DPYD: variants seen among roughly 807,000 people sequenced by gnomAD.
DPYD encodes the protein dihydropyrimidine dehydrogenase [NADP(+)].
Under a neutral mutation model 116.2 loss-of-function variants are expected in DPYD, and 109 were observed. The ratio of observed to expected loss-of-function variants is 0.94; its 90% CI spans 0.80 to 1.10. The LOEUF (loss-of-function observed/expected upper bound fraction) is 1.10, where lower values mean the gene tolerates loss of function less well. Among genes scored for constraint, DPYD ranks in the 50% least tolerant of loss-of-function variants. The pLI is 0.00. For missense variants in DPYD, 1,302 were observed against 1,254.5 expected (o/e 1.04, Z -0.57); for synonymous variants, 440 against 432.0 (o/e 1.02, Z -0.23).
chr1:97,200,972 A>C (rs1403999969), intron 19 of DPYD, among the ~76,000 whole-genome samples: 3 of 152,192 alleles, frequency 2.0e-5, no homozygotes. Flanking sequence ...CATTGAATGC[A>C]GTGCCCAAAA....
At chr1:97,081,134 T>G (rs1378882505) in intron 22 of DPYD, among the ~76,000 whole-genome samples, 2 of 44,472 alleles carry the variant, frequency 4.5e-5, no homozygotes, top group African/African-American at 1.2e-4. Context: ...GGAAGAAAAA[T>G]TAATAGTTTT....
intron 8 of DPYD, among the ~76,000 whole-genome samples, chr1:97,638,725 T>C (rs1571106623): frequency 6.6e-6 from 1 of 152,078 alleles, no homozygotes; most frequent in Non-Finnish European, 1.5e-5. Context: ...GGGGAGCTGG[T>C]ATGTCACACG....
chr1:97,703,673 A>C (rs1661733705), intron 5 of DPYD, among the ~76,000 whole-genome samples: 1 of 152,056 alleles, frequency 6.6e-6, no homozygotes, highest in Non-Finnish European at 1.5e-5. Context: ...AGTGCTCAAT[A>C]ACTACATGTG....
chr1:97,142,591 C>T lies in DPYD; in HGVS notation c.2623-43959G>A, dbSNP rs189582540. ...CATTCTTCATACTTGTTTCACTTTC[C>T]TTCATCAGTAGTAGACTTAAAACAC... On this transcript the variant is annotated intron_variant, in intron 20 of 22. Coordinates refer to ENST00000370192, the MANE Select transcript of DPYD (RefSeq NM_000110.4). 7.3e-4 allele frequency among the ~76,000 whole-genome samples: 111 copies of T among 152,146 alleles called. 3 individuals carry two copies. The South Asian group carries it at 0.018, about 24-fold the overall frequency.
chr1:97,573,072 T>A (rs534182459), intron 11 of DPYD, among the ~76,000 whole-genome samples: 50 of 152,142 alleles, frequency 3.3e-4, no homozygotes, highest in African/African-American at 1.2e-3. Flanking sequence ...TAAAAGGATT[T>A]GTAAAATGAA....
chr1:97,354,968 T>C (rs921620286), intron 16 of DPYD, among the ~76,000 whole-genome samples: 7 of 152,182 alleles, frequency 4.6e-5, no homozygotes, highest in Admixed American at 3.3e-4. Flanking sequence ...TCAAAGTTGA[T>C]TGAGGAATGA....
chr1:97,670,441 T>C (rs551241077), intron 8 of DPYD, among the ~76,000 whole-genome samples: 21 of 152,196 alleles, frequency 1.4e-4, no homozygotes, highest in African/African-American at 4.6e-4. Context: ...ACGTCAGAGG[T>C]CTTTCTCTTT....
chr1:97,794,683 G>T (rs1459243652), intron 3 of DPYD, among the ~76,000 whole-genome samples: 1 of 152,048 alleles, frequency 6.6e-6, no homozygotes, highest in Non-Finnish European at 1.5e-5. Context: ...CTTCTCTTCT[G>T]TAAAGTTACT....
chr1:97,754,275 C>A (rs74826024), intron 3 of DPYD, among the ~76,000 whole-genome samples: 1,857 of 151,990 alleles, frequency 0.012, 38 homozygotes, highest in African/African-American at 0.042. Flanking sequence ...AGCCTAGAAG[C>A]TAAAGGACAC....
rs567208736 is a variant in DPYD, at chr1:97,285,584, G to A, written c.2299+19675C>T. On this transcript the variant is annotated intron_variant, in intron 18 of 22. Transcript: ENST00000370192. ...CTACTGCTGAATCCCATCACTCAAAGTTTAAATCCATATGTGAAGTTCACT... is the reference window on the plus strand; with the variant it reads ...CTACTGCTGAATCCCATCACTCAAAATTTAAATCCATATGTGAAGTTCACT... 5.9e-5 allele frequency among the ~76,000 whole-genome samples: 9 copies of A among 152,004 alleles called. No homozygotes were observed. The South Asian group carries it at 1.7e-3, about 28-fold the overall frequency.
chr1:97,620,324 C>G (rs890296908), intron 8 of DPYD, among the ~76,000 whole-genome samples: 3 of 152,184 alleles, frequency 2.0e-5, no homozygotes, highest in Non-Finnish European at 4.4e-5. Context: ...AAGCAATCCT[C>G]CAGCCTCAGC....
intron 3 of DPYD, among the ~76,000 whole-genome samples, chr1:97,825,767 A>G (rs1475854138): frequency 6.6e-6 from 1 of 151,898 alleles, no homozygotes; most frequent in Non-Finnish European, 1.5e-5. Context: ...AACTTAAAGT[A>G]TAATAAAAAA....
At chr1:97,180,547 T>A (rs551890919) in intron 20 of DPYD, among the ~76,000 whole-genome samples, 6 of 152,294 alleles carry the variant, frequency 3.9e-5, no homozygotes, top group African/African-American at 1.4e-4. Context: ...ATTCAAGTTT[T>A]AACTTACATG....
intron 3 of DPYD, among the ~76,000 whole-genome samples, chr1:97,815,068 AAAGAAAAGAG>A (rs1344490273): frequency 2.0e-5 from 3 of 151,234 alleles, no homozygotes; most frequent in Non-Finnish European, 4.4e-5. Flanking sequence ...AGAAAGAAAG[AAAGAAAAGAG>A]AAGAAAGAAA....
At chr1:97,573,670 A>G in intron 11 of DPYD, 90 bp downstream of exon 11, 1 of 1,523,286 alleles carries the variant, frequency 6.6e-7, no homozygotes, top group African/African-American at 1.4e-5. Flanking sequence ...TAAATTTTAA[A>G]GTGAAAAACA....
chr1:97,590,968 C>CT (rs1654464007), intron 10 of DPYD, among the ~76,000 whole-genome samples: 1 of 152,194 alleles, frequency 6.6e-6, no homozygotes. Flanking sequence ...AGCTAAAGGT[C>CT]TTATGAATGC....
chr1:97,771,752 G>A (rs922737413), intron 3 of DPYD, among the ~76,000 whole-genome samples: 1 of 152,120 alleles, frequency 6.6e-6, no homozygotes. Context: ...TAGCCCCACA[G>A]ATTTTCTAAA....
chr1:97,359,648 C>A (rs572331189), intron 16 of DPYD, among the ~76,000 whole-genome samples: 1 of 152,196 alleles, frequency 6.6e-6, no homozygotes, highest in East Asian at 1.9e-4. Flanking sequence ...GAGTGGGGGC[C>A]AATATACAAC....
At chr1:97,323,200 A>G (rs1305486447) in intron 16 of DPYD, among the ~76,000 whole-genome samples, 1 of 149,174 alleles carries the variant, frequency 6.7e-6, no homozygotes, top group African/African-American at 2.4e-5. Context: ...ACACGTATAT[A>G]TATCCACATA....
Sources: allele counts gnomAD v4.1 joint callset (sites outside exome capture counted in the v4.1 genomes callset), GRCh38; gene constraint gnomAD v4.1.1; transcripts MANE v1.5; gene names NCBI Gene and HGNC (gene_info 2026-07-23, HGNC 2026-07-21).